The following OR52I2 variants were observed in gnomAD, a reference collection of about 807,000 sequenced individuals.
The protein encoded by OR52I2 is olfactory receptor 52I2.
For missense variants in OR52I2, 350 were observed against 402.4 expected, an observed-to-expected ratio of 0.87 and a Z score of 1.11; for synonymous variants, 147 against 151.9, an observed-to-expected ratio of 0.97 and a Z score of 0.24.
At chr11:4,589,729 T>C (rs1011418578) in exon 2 of OR52I2, 2 of 152,026 alleles carry the variant, frequency 1.3e-5, no homozygotes, top group Admixed American at 6.6e-5. Flanking sequence ...AACCCAGTAG[T>C]AGGGCTGATT....
Position 4,586,266 on chromosome 11 carries a change from A to T in OR52I2, c.-19-606A>T, listed in dbSNP as rs538516585. On this transcript the variant is annotated intron_variant, in intron 1 of 1. Coordinates refer to ENST00000641896, the Ensembl canonical transcript of OR52I2. ...TTTACCACAAGGATACTTCTTTCAT[A>T]TTTTTTTATAGGCACTGTACCAAGG... Among the ~76,000 whole-genome samples the T allele has an allele frequency of 2.3e-4, 35 of 152,156 alleles. 1 individual carries two copies. The South Asian group carries it at 5.8e-3, about 25-fold the overall frequency.
At chr11:4,582,755 C>T (rs1460521731) in intron 1 of OR52I2, among the ~76,000 whole-genome samples, 1 of 151,916 alleles carries the variant, frequency 6.6e-6, no homozygotes, top group Non-Finnish European at 1.5e-5. Context: ...AGCTACTTTT[C>T]GGTGATTGGC....
exon 2 of OR52I2, chr11:4,589,416 G>C (rs1846334417): frequency 6.6e-6 from 1 of 152,228 alleles, no homozygotes; most frequent in African/African-American, 2.4e-5. Flanking sequence ...ATTGGAGAAA[G>C]TTAAACAGAG....
intron 1 of OR52I2, among the ~76,000 whole-genome samples, chr11:4,584,939 A>T (rs2133185612): frequency 6.6e-6 from 1 of 152,328 alleles, no homozygotes; most frequent in Non-Finnish European, 1.5e-5. Context: ...CAGGGAAAAC[A>T]GTTTCATTTT....
chr11:4,583,508 C>T (rs1012641620), intron 1 of OR52I2, among the ~76,000 whole-genome samples: 9 of 151,742 alleles, frequency 5.9e-5, no homozygotes, highest in Non-Finnish European at 1.2e-4. Context: ...AAGTTTGTGG[C>T]ATTCAGAACA....
chr11:4,590,408 A>C (rs961100154), exon 2 of OR52I2: 1 of 152,210 alleles, frequency 6.6e-6, no homozygotes, highest in Non-Finnish European at 1.5e-5. Context: ...TGTAGAAAGA[A>C]ACAACTAACC....
chr11:4,585,597 G>T (rs1179678722), intron 1 of OR52I2, among the ~76,000 whole-genome samples: 1 of 152,188 alleles, frequency 6.6e-6, no homozygotes, highest in Non-Finnish European at 1.5e-5. Context: ...AATAAACAGA[G>T]ATCAACAAGC....
At chr11:4,583,867 A>G (rs964591188) in intron 1 of OR52I2, among the ~76,000 whole-genome samples, 18 of 152,256 alleles carry the variant, frequency 1.2e-4, no homozygotes, top group Non-Finnish European at 2.5e-4. Flanking sequence ...GGAGTCAATC[A>G]GTGCTAGGCT....
chr11:4,582,435 T>TTTTTTTTTTTTTTTTTTTTTTTTTCC (rs1846265602), intron 1 of OR52I2, among the ~76,000 whole-genome samples: 1 of 7,164 alleles, frequency 1.4e-4, no homozygotes, highest in African/African-American at 3.1e-4. Flanking sequence ...TTATTTTTCA[T>TTTTTTTTTTTTTTTTTTTTTTTTTCC]TTTTTTTTTT....
chr11:4,584,223 C>T (rs1477625365), intron 1 of OR52I2, among the ~76,000 whole-genome samples: 9 of 152,214 alleles, frequency 5.9e-5, no homozygotes, highest in Non-Finnish European at 1.2e-4. Flanking sequence ...GCCTGAACAC[C>T]TAAGACAGTT....
chr11:4,587,601 T>G (rs1846316726), exon 2 of OR52I2: 1 of 1,613,964 alleles, frequency 6.2e-7, no homozygotes, highest in African/African-American at 1.3e-5. Context: ...CAAAGACTGC[T>G]CAGTTGAAAG....
At chr11:4,586,329 G>A (rs954933224) in intron 1 of OR52I2, among the ~76,000 whole-genome samples, 4 of 152,054 alleles carry the variant, frequency 2.6e-5, no homozygotes, top group Admixed American at 6.6e-5. Context: ...GGAAGTTTTT[G>A]TTCATATAAC....
exon 2 of OR52I2, chr11:4,592,707 T>C (rs545370385): frequency 1.2e-3 from 188 of 152,346 alleles, no homozygotes; most frequent in African/African-American, 4.1e-3. Flanking sequence ...TGCTGACTTC[T>C]TTATATTCAG....
chr11:4,586,783 G>A (rs562405324), intron 1 of OR52I2, 89 bp from the exon 2 acceptor site: 15 of 1,588,218 alleles, frequency 9.4e-6, no homozygotes, highest in Non-Finnish European at 1.3e-5. Context: ...CCACCAAGCT[G>A]AGAATATCCT....
At chr11:4,584,554 T>C (rs1846284246) in intron 1 of OR52I2, among the ~76,000 whole-genome samples, 1 of 152,202 alleles carries the variant, frequency 6.6e-6, no homozygotes, top group South Asian at 2.1e-4. Flanking sequence ...AGAGTTGTTA[T>C]ATGACAGCAG....
chr11:4,588,023 A>T, exon 2 of OR52I2: 1 of 659,784 alleles, frequency 1.5e-6, no homozygotes, highest in Non-Finnish European at 2.6e-6. Flanking sequence ...AATGTTTCTG[A>T]TTTTCTGAGG....
chr11:4,587,003 T>C (rs1202762586), exon 2 of OR52I2: 3 of 1,614,170 alleles, frequency 1.9e-6, no homozygotes, highest in East Asian at 4.5e-5. Context: ...CTGAGTGCCA[T>C]GTACATCATA....
At chr11:4,592,242 C>T (rs560392901) in exon 2 of OR52I2, 17 of 152,300 alleles carry the variant, frequency 1.1e-4, no homozygotes, top group African/African-American at 3.6e-4. Context: ...CAAAATATCT[C>T]TGTGAAGTAT....
At chr11:4,586,901 C>G (rs375883595) in exon 2 of OR52I2, 2 of 1,613,952 alleles carry the variant, frequency 1.2e-6, no homozygotes, top group Non-Finnish European at 1.7e-6. Flanking sequence ...ATGCTGGGTC[C>G]AGCTTATAAC....
Sources: allele counts gnomAD v4.1 joint callset (sites outside exome capture counted in the v4.1 genomes callset), GRCh38; gene constraint gnomAD v4.1.1; transcripts MANE v1.5; gene names NCBI Gene and HGNC (gene_info 2026-07-23, HGNC 2026-07-21).